ZNF433: variants seen among roughly 807,000 people sequenced by gnomAD.
ZNF433 encodes zinc finger protein 433.
ZNF433 carries 12 observed loss-of-function variants against 10.6 expected under a neutral mutation model. That is an observed-to-expected ratio of 1.13 (90% confidence interval 0.72 to 1.83). The LOEUF is 1.83. Among genes scored for constraint, ZNF433 ranks in the 40% most tolerant of loss-of-function variants. The pLI, the probability that ZNF433 is intolerant of heterozygous loss-of-function variation, is 0.00. For synonymous variants in ZNF433, 272 were observed against 271.3 expected (o/e 1.00, Z -0.02); for missense variants, 737 against 798.0 (o/e 0.92, Z 0.92).
At chr19:12,034,845 T>A (rs1975203477) in intron 1 of ZNF433, 1 of 454,046 alleles carries the variant, frequency 2.2e-6, no homozygotes, top group African/African-American at 2.0e-5. Context: ...CAGGCATTGA[T>A]GCATGATTCT....
rs1368059695 is a variant in ZNF433, at chr19:12,017,552, G to C, written c.191+324C>G. ...ACTATTTTACAAATACTAAATATCT[G>C]TCTTTTTAAATTTGTTTTTTGGGTC... On this transcript the variant is annotated intron_variant, in intron 3 of 3. Transcript: ENST00000550507. Among the ~76,000 whole-genome samples the C allele has an allele frequency of 2.6e-5, 4 of 151,226 alleles. No individual in the cohort carries two copies. In the South Asian group the frequency reaches 8.4e-4, roughly 32 times the overall value.
chr19:12,016,339 T>C lies in ZNF433; in HGVS notation c.519A>G (p.Gly173=). 5 of 1,614,216 alleles carry C rather than the reference T, an allele frequency of 3.1e-6. No individual in the cohort carries two copies. The highest frequency in any genetic ancestry group is 4.2e-6 in the Non-Finnish European group (5 of 1,180,034). The change falls in exon 4 of 4, where the codon GGA becomes GGG. Residue 173 remains glycine, a synonymous_variant. Transcript: ENST00000550507. The stretch of plus-strand genomic sequence containing the variant: ...GGTTTGAATGGGAAATAAATGTTTT[T>C]CCGCATTCCTCACAAACATAGAGTT... ...GRKLYVCEEC[G]KTFISHSNLQ...
chr19:12,023,520 C>G (rs1485018452), intron 1 of ZNF433: 2 of 152,274 alleles, frequency 1.3e-5, no homozygotes, highest in Admixed American at 6.5e-5. Context: ...AAGCAGCTTA[C>G]TGGGTGAATC....
intron 1 of ZNF433, chr19:12,022,116 A>G: frequency 2.3e-6 from 1 of 431,552 alleles, no homozygotes; most frequent in South Asian, 1.6e-5. Context: ...CCCACAATGA[A>G]GACTGTTGGT....
At chr19:12,027,025 G>C (rs1235087444) in intron 1 of ZNF433, 1 of 448,350 alleles carries the variant, frequency 2.2e-6, no homozygotes, top group Non-Finnish European at 4.4e-6. Flanking sequence ...TTTGGGAAAG[G>C]ATAAAAAAGC....
Position 12,017,942 on chromosome 19 carries a change from A to T in ZNF433, c.131-6T>A, listed in dbSNP as rs150563823. The T allele has an allele frequency of 9.2e-5, 144 of 1,567,116 alleles. No homozygotes were observed. The African/African-American group carries it at 1.8e-3, about 20-fold the overall frequency. On this transcript the variant is annotated splice_polypyrimidine_tract_variant and splice_region_variant and intron_variant, in intron 2 of 3. Transcript: ENST00000550507. ...CTGGGGTTTCCATTTTTTCCCTACA[A>T]CACACAACAAGGAAAATAATCTTGA...
chr19:12,016,477 C>T lies in ZNF433; in HGVS notation c.381G>A (p.Lys127=). 2 of 1,614,064 alleles carry T rather than the reference C, an allele frequency of 1.2e-6. No homozygotes were observed. The highest frequency in any genetic ancestry group is 1.7e-6 in the Non-Finnish European group (2 of 1,180,014). ...NRHIRDDTGH[K]AYEYQEYGQK... is the part of the protein sequence containing the mutation. ...GTCCATATTCTTGATACTCATATGCCTTGTGTCCAGTGTCATCTCTGATGT... is the reference window on the plus strand; with the variant it reads ...GTCCATATTCTTGATACTCATATGCTTTGTGTCCAGTGTCATCTCTGATGT... The change falls in exon 4 of 4, where the codon AAG becomes AAA. Residue 127 remains lysine, a synonymous_variant. Coordinates refer to ENST00000550507, the MANE Select transcript of ZNF433 (RefSeq NM_001308348.2).
chr19:12,019,344 C>T (rs1194487797), intron 1 of ZNF433, among the ~76,000 whole-genome samples: 1 of 151,954 alleles, frequency 6.6e-6, no homozygotes, highest in Non-Finnish European at 1.5e-5. Context: ...CACTTGAACC[C>T]AGAAGTTGGA....
rs1367359509 is a variant in ZNF433 at position 12,018,054 on chromosome 19, G to C, written c.130+112C>G. 4 of 1,330,578 alleles carry C rather than the reference G, an allele frequency of 3.0e-6. No individual in the cohort carries two copies. In the Admixed American group the frequency reaches 1.1e-4, roughly 36 times the overall value. 82.4% of individuals were successfully genotyped at this position (1,330,578 alleles called of 1,614,324 possible). A position where few individuals can be genotyped will look rare whatever the true frequency, so the allele number is the denominator to read the frequency against. On this transcript the variant is annotated intron_variant, in intron 2 of 3. Coordinates refer to ENST00000550507, the MANE Select transcript of ZNF433 (RefSeq NM_001308348.2). Reference sequence around the variant, plus strand: ...TTCCTTTATTTATCAAATATTCCCTGTCCACATTGTAAATCACTCAACAGC... The same window carrying C: ...TTCCTTTATTTATCAAATATTCCCTCTCCACATTGTAAATCACTCAACAGC...
At chr19:12,034,068 A>G (rs1348786597) in intron 1 of ZNF433, among the ~76,000 whole-genome samples, 1 of 152,224 alleles carries the variant, frequency 6.6e-6, no homozygotes, top group Non-Finnish European at 1.5e-5. Flanking sequence ...CTTAATGCCT[A>G]TAGTACTCTA....
intron 1 of ZNF433, among the ~76,000 whole-genome samples, chr19:12,028,625 A>G (rs1974852395): frequency 6.6e-6 from 1 of 152,248 alleles, no homozygotes; most frequent in Non-Finnish European, 1.5e-5. Context: ...TACTGAATAT[A>G]ATTTTTAAAA....
intron 1 of ZNF433, among the ~76,000 whole-genome samples, chr19:12,028,819 G>A (rs1974863594): frequency 6.6e-6 from 1 of 152,118 alleles, no homozygotes; most frequent in Non-Finnish European, 1.5e-5. Flanking sequence ...ACCTTCCTGA[G>A]TAGATGATAA....
chr19:12,029,398 G>T, intron 1 of ZNF433, among the ~76,000 whole-genome samples: 1 of 151,902 alleles, frequency 6.6e-6, no homozygotes, highest in Admixed American at 6.6e-5. Context: ...GCATGTGCCT[G>T]TAGTCCCAGC....
At position 12,015,429 on chromosome 19, in the gene ZNF433, A is replaced by C; in HGVS notation, c.1429T>G (p.Cys477Gly). Residue 477 changes from cysteine to glycine, a missense_variant, in exon 4 of 4, where the codon TGT becomes GGT. Physicochemically the swap from Cys to Gly is radical, Grantham distance 159. Transcript: ENST00000550507. ...RMHREEKPYE[C>G]KGYGKTFSLP... ...CTGAATGTTTTCCCATAACCCTTAC[A>C]TTCATACGGCTTCTCTTCTCTGTGC... is the stretch of plus-strand genomic sequence containing the variant. 2 of 1,614,070 alleles carry C rather than the reference A, an allele frequency of 1.2e-6. No individual in the cohort carries two copies. Among genetic ancestry groups the C allele is most frequent in the African/African-American group, 1.3e-5 (1 of 75,046 alleles).
intron 1 of ZNF433, among the ~76,000 whole-genome samples, chr19:12,019,525 C>G (rs1351014098): frequency 6.6e-6 from 1 of 152,126 alleles, no homozygotes; most frequent in Non-Finnish European, 1.5e-5. Context: ...GGAAACAGTA[C>G]AGTAGTGCCT....
intron 1 of ZNF433, among the ~76,000 whole-genome samples, chr19:12,021,532 G>T (rs1363225830): frequency 6.6e-6 from 1 of 152,150 alleles, no homozygotes; most frequent in Non-Finnish European, 1.5e-5. Context: ...TAATATAGGA[G>T]AGAGATTAAA....
intron 1 of ZNF433, 66 bp from the exon 2 acceptor site, chr19:12,018,358 A>G (rs764574198): frequency 3.3e-6 from 5 of 1,534,212 alleles, no homozygotes; most frequent in African/African-American, 2.8e-5. Flanking sequence ...CCTATACTCT[A>G]TTCCCAAGAG....
intron 1 of ZNF433, chr19:12,034,751 C>T: frequency 4.4e-6 from 2 of 452,704 alleles, no homozygotes. Flanking sequence ...CCAACGGCCA[C>T]CTTCAGAATC....
intron 1 of ZNF433, chr19:12,027,058 C>G (rs1333934723): frequency 2.2e-6 from 1 of 447,184 alleles, no homozygotes; most frequent in Admixed American, 2.5e-5. Flanking sequence ...ACTCTAGAAA[C>G]TTGGATATTG....
Sources: gnomAD v4.1 joint callset for allele counts (sites outside exome capture counted in the v4.1 genomes callset) on GRCh38, gnomAD v4.1.1 for gene constraint, MANE v1.5 for transcripts, NCBI Gene and HGNC (gene_info 2026-07-23, HGNC 2026-07-21) for gene names.